The following ZZEF1 variants were observed in gnomAD, a reference collection of about 807,000 sequenced individuals.
ZZEF1 encodes the protein zinc finger ZZ-type and EF-hand domain containing 1.
In ZZEF1, 157 loss-of-function variants were observed where a neutral mutation model predicts 342.8. The observed-to-expected ratio is 0.46, with a 90% CI of 0.40 to 0.52. The LOEUF (loss-of-function observed/expected upper bound fraction) is 0.52, where lower values mean the gene tolerates loss of function less well. Among genes scored for constraint, ZZEF1 ranks in the 20% least tolerant of loss-of-function variants. ZZEF1 has a pLI of 0.00. For synonymous variants in ZZEF1, 1,505 were observed against 1,429.1 expected (o/e 1.05, Z -1.20); for missense variants, 3,480 against 3,725.6 (o/e 0.93, Z 1.72).
In ZZEF1 at chr17:4,109,636, T is replaced by G. The variant is rs762907838; in HGVS notation, c.1277+17A>C. The G allele has an allele frequency of 1.9e-6, 3 of 1,613,536 alleles. No homozygotes were observed. The highest frequency in any genetic ancestry group is 8.5e-7 in the Non-Finnish European group (1 of 1,179,614). On this transcript the variant is annotated intron_variant, in intron 6 of 54. Transcript: ENST00000381638. ...AGGGCATGTTGAGGGGGCTGGAACA[T>G]AGAGAGAATGACTTACTGAGTATTG...
chr17:4,083,397 C>T (rs1243583247), intron 16 of ZZEF1, among the ~76,000 whole-genome samples: 1 of 152,202 alleles, frequency 6.6e-6, no homozygotes, highest in East Asian at 1.9e-4. Flanking sequence ...CTGATGCTGT[C>T]AAAGGTTATG....
intron 16 of ZZEF1, among the ~76,000 whole-genome samples, chr17:4,084,469 T>C (rs939197047): frequency 1.3e-5 from 2 of 152,202 alleles, no homozygotes; most frequent in African/African-American, 4.8e-5. Flanking sequence ...TGGCCTATAA[T>C]TTTGCTGTCT....
Position 4,005,087 on chromosome 17 carries a change from A to G in ZZEF1, c.*1803T>C, listed in dbSNP as rs1323278654. 1 of 152,248 alleles carries G rather than the reference A, an allele frequency of 6.6e-6. No individual in the cohort carries two copies. Among genetic ancestry groups the G allele is most frequent in the African/African-American group, 2.4e-5 (1 of 41,390 alleles). 9.4% of individuals were successfully genotyped at this position (152,248 alleles called of 1,614,324 possible). ...GGGCGTGGGTGGCGCTATCTCGTCTACCTTCCAGGTTGGCTGTGAGTCTGA... is the reference window on the plus strand; with the variant it reads ...GGGCGTGGGTGGCGCTATCTCGTCTGCCTTCCAGGTTGGCTGTGAGTCTGA... On this transcript the variant is annotated 3_prime_UTR_variant, in exon 55 of 55. Transcript: ENST00000381638.
At chr17:4,090,571 C>G (rs574523116) in intron 12 of ZZEF1, 148 bp downstream of exon 12, 288 of 648,120 alleles carry the variant, frequency 4.4e-4, no homozygotes, top group Non-Finnish European at 6.5e-4. Flanking sequence ...CACTGTCTTA[C>G]ACATCTGTCT....
intron 1 of ZZEF1, among the ~76,000 whole-genome samples, chr17:4,134,572 G>A (rs566127278): frequency 1.3e-5 from 2 of 152,102 alleles, no homozygotes; most frequent in East Asian, 1.9e-4. Flanking sequence ...CAATGTTAGT[G>A]AGCACCAGGC....
intron 1 of ZZEF1, among the ~76,000 whole-genome samples, chr17:4,131,182 T>C (rs1275756660): frequency 6.6e-6 from 1 of 152,020 alleles, no homozygotes; most frequent in African/African-American, 2.4e-5. Context: ...AGGAGAAGAA[T>C]GGGATCCAAG....
chr17:4,104,697 C>T lies in ZZEF1; in HGVS notation c.1509G>A (p.Gln503=), dbSNP rs754601688. 3.1e-6 allele frequency: 5 copies of T among 1,614,058 alleles called. No homozygotes were observed. Among genetic ancestry groups the T allele is most frequent in the South Asian group, 1.1e-5 (1 of 91,080 alleles). The part of the protein sequence containing the change: ...LCTITDHLDT[Q]YDASSLILSM... Reference sequence around the variant, plus strand: ...ACAAGATGAGGGATGAGGCATCATACTGCGTGTCCAGATGGTCAGTGATGG... The same window carrying T: ...ACAAGATGAGGGATGAGGCATCATATTGCGTGTCCAGATGGTCAGTGATGG... The change falls in exon 8 of 55, where the codon CAG becomes CAA. Residue 503 remains glutamine, a synonymous_variant. Transcript: ENST00000381638.
chr17:4,033,783 T>C (rs1015123159), intron 40 of ZZEF1: 2 of 576,804 alleles, frequency 3.5e-6, no homozygotes, highest in Non-Finnish European at 6.1e-6. Context: ...ATTAGAGAGT[T>C]GAATCAGCAG....
At chr17:4,068,028 C>T (rs2145254886) in intron 26 of ZZEF1, among the ~76,000 whole-genome samples, 1 of 152,240 alleles carries the variant, frequency 6.6e-6, no homozygotes, top group South Asian at 2.1e-4. Context: ...CAGTGAGCTA[C>T]AACTGTGCCC....
chr17:4,114,284 T>C lies in ZZEF1; in HGVS notation c.866+15A>G. 3 of 1,546,052 alleles carry C rather than the reference T, an allele frequency of 1.9e-6. No individual in the cohort carries two copies. The highest frequency in any genetic ancestry group is 2.6e-6 in the Non-Finnish European group (3 of 1,150,532). The stretch of plus-strand genomic sequence containing the variant: ...CAAAATTTTAAAAAACAAAAAAGTA[T>C]TATATACCACCCACCGAATCCAGTG... On this transcript the variant is annotated intron_variant, in intron 4 of 54. Coordinates refer to ENST00000381638, the MANE Select transcript of ZZEF1 (RefSeq NM_015113.4).
chr17:4,067,222 C>A lies in ZZEF1; in HGVS notation c.4096G>T (p.Ala1366Ser), dbSNP rs1481193782. ...ACCTGGGCAAACTCTTCACTCAGGG[C>A]TATTTTGCCCCCACTGTTGACTGGG... ...QKYVNSGGKI[A>S]LSEEFAQVYS... The change falls in exon 27 of 55, where the codon GCC (alanine) becomes TCC (serine). Residue 1366 changes from alanine (A) to serine (S), a missense_variant. Ala to Ser is a moderately conservative substitution (Grantham distance 99). This residue lies in a region of ZZEF1 where 1,528 missense variants were observed against 1,624.1 expected (regional missense o/e 0.94). Transcript: ENST00000381638. The A allele has an allele frequency of 6.2e-6, 10 of 1,613,160 alleles. No individual in the cohort carries two copies. The highest frequency in any genetic ancestry group is 2.2e-5 in the East Asian group (1 of 44,844).
At chr17:4,118,780 C>A (rs188750649) in intron 2 of ZZEF1, among the ~76,000 whole-genome samples, 1 of 152,318 alleles carries the variant, frequency 6.6e-6, no homozygotes, top group East Asian at 1.9e-4. Context: ...AGCCCCACAT[C>A]ACTGAACCCC....
At chr17:4,058,271 G>A in intron 31 of ZZEF1, 116 bp from the exon 32 acceptor site, 1 of 1,119,426 alleles carries the variant, frequency 8.9e-7, no homozygotes, top group Non-Finnish European at 1.2e-6. Flanking sequence ...ACTTCACATT[G>A]CTGGTTTGGG....
At chr17:4,069,729 G>A (rs2057472015) in intron 26 of ZZEF1, among the ~76,000 whole-genome samples, 1 of 152,186 alleles carries the variant, frequency 6.6e-6, no homozygotes, top group Non-Finnish European at 1.5e-5. Flanking sequence ...TACTCGGGGG[G>A]CTGAGGAAGG....
intron 29 of ZZEF1, among the ~76,000 whole-genome samples, chr17:4,063,789 G>T (rs1399947729): frequency 6.7e-6 from 1 of 150,290 alleles, no homozygotes; most frequent in Admixed American, 6.6e-5. Flanking sequence ...GTACAGTGGC[G>T]TGATCTCGGC....
chr17:4,111,356 T>C lies in ZZEF1; in HGVS notation c.1066+1253A>G, dbSNP rs147767624. ...TTTTTCTAATTTTCCAATATGAAAA[T>C]GTGAATAAAATTATTTTTAATGGGC... On this transcript the variant is annotated intron_variant, in intron 5 of 54. Coordinates refer to ENST00000381638, the MANE Select transcript of ZZEF1 (RefSeq NM_015113.4). Among the ~76,000 whole-genome samples the C allele has an allele frequency of 8.2e-4, 125 of 152,106 alleles. 1 individual carries two copies. In the East Asian group the frequency reaches 0.021, roughly 25 times the overall value.
At chr17:4,089,211 C>T (rs1211569868) in intron 12 of ZZEF1, among the ~76,000 whole-genome samples, 1 of 152,120 alleles carries the variant, frequency 6.6e-6, no homozygotes, top group Admixed American at 6.6e-5. Context: ...CATTTTGAAA[C>T]AGAAATCAGA....
intron 24 of ZZEF1, among the ~76,000 whole-genome samples, chr17:4,073,648 C>A (rs2057553095): frequency 6.6e-6 from 1 of 152,126 alleles, no homozygotes; most frequent in Non-Finnish European, 1.5e-5. Context: ...CTATGCTGCC[C>A]AGGCTGGTTT....
chr17:4,044,359 G>C lies in ZZEF1; in HGVS notation c.6031C>G (p.His2011Asp). Residue 2011 changes from histidine (H) to aspartate (D), a missense_variant, in exon 38 of 55, where the codon CAT becomes GAT. His to Asp is a moderately conservative substitution (Grantham distance 81, BLOSUM62 -1). Transcript: ENST00000381638. ...AAATCTACAGGTCTGATTTCCTCAT[G>C]AACAGCTCTCTTTCCCTAAAAAAAC... ...SEAGNGKRAV[H>D]EEIRPVDFKQ... 3.1e-6 allele frequency: 5 copies of C among 1,611,926 alleles called. No homozygotes were observed. Among genetic ancestry groups the C allele is most frequent in the Admixed American group, 1.7e-5 (1 of 59,594 alleles).
Sources: allele counts gnomAD v4.1 joint callset (sites outside exome capture counted in the v4.1 genomes callset), GRCh38; gene constraint gnomAD v4.1.1; regional missense constraint gnomAD v4.1.1; transcripts MANE v1.5; gene names NCBI Gene and HGNC (gene_info 2026-07-23, HGNC 2026-07-21).